PTPRM: variants seen among roughly 807,000 people sequenced by gnomAD.
The protein encoded by PTPRM is protein tyrosine phosphatase receptor type M, also known as receptor-type tyrosine-protein phosphatase mu.
A neutral mutation model predicts 186.7 loss-of-function variants in PTPRM; 47 were observed. That is an observed-to-expected ratio of 0.25 (90% CI 0.20 to 0.32). The LOEUF (loss-of-function observed/expected upper bound fraction) is 0.32, where lower values mean the gene tolerates loss of function less well. PTPRM is among the 10% of genes least tolerant of loss of function. The probability of loss-of-function intolerance (pLI) is 1.00; values close to 1 mark genes in which losing one functional copy is unlikely to be tolerated. For missense variants in PTPRM, 1,494 were observed against 1,865.0 expected (o/e 0.80, Z 3.66); for synonymous variants, 668 against 674.9 (o/e 0.99, Z 0.16).
chr18:7,932,455 GTTTATTATAGGTAACTCCAT>G lies in PTPRM; in HGVS notation c.663+5781_663+5800del, dbSNP rs2051546691. 2.6e-5 allele frequency among the ~76,000 whole-genome samples: 4 copies of G among 152,128 alleles called. No individual in the cohort carries two copies. In the South Asian group the frequency reaches 8.3e-4, roughly 32 times the overall value. ...GTGCAGCTGTATATCCTGTTTTTAT[GTTTATTATAGGTAACTCCAT>G]TTTATTATTGAAAGTCAGTTTTATA... On this transcript the variant is annotated intron_variant, in intron 5 of 32. Transcript: ENST00000580170.
chr18:7,700,120 A>T lies in PTPRM; in HGVS notation c.74-74029A>T, dbSNP rs558992375. On this transcript the variant is annotated intron_variant, in intron 1 of 32. Transcript: ENST00000580170. The stretch of plus-strand genomic sequence containing the variant: ...TAGAATATGCAATCAGAGTCAGTTA[A>T]TGTGGAACTCCCTGTCTTGCCATGC... Among the ~76,000 whole-genome samples, 121 of 152,358 alleles carry T rather than the reference A, an allele frequency of 7.9e-4. 1 individual carries two copies. The highest frequency in any genetic ancestry group is 2.8e-3 in the African/African-American group (116 of 41,588).
intron 2 of PTPRM, among the ~76,000 whole-genome samples, chr18:7,833,491 T>C (rs2045863479): frequency 6.6e-6 from 1 of 152,202 alleles, no homozygotes; most frequent in African/African-American, 2.4e-5. Context: ...CCCAGCACTT[T>C]GTGAGGCCAA....
intron 14 of PTPRM, among the ~76,000 whole-genome samples, chr18:8,178,144 G>A (rs1283748672): frequency 1.3e-5 from 2 of 152,180 alleles, no homozygotes; most frequent in African/African-American, 4.8e-5. Flanking sequence ...GCCGATTCTA[G>A]TATGTGCCTA....
At chr18:8,262,150 C>T (rs753549283) in intron 19 of PTPRM, among the ~76,000 whole-genome samples, 8 of 152,154 alleles carry the variant, frequency 5.3e-5, no homozygotes, top group Non-Finnish European at 8.8e-5. Context: ...CCCAACTGCT[C>T]TCTCTCCTCC....
At chr18:7,853,560 C>T (rs2046963325) in intron 2 of PTPRM, among the ~76,000 whole-genome samples, 1 of 152,206 alleles carries the variant, frequency 6.6e-6, no homozygotes, top group Non-Finnish European at 1.5e-5. Flanking sequence ...TGGTATTTCA[C>T]TCATGCATCA....
At chr18:7,873,353 A>G (rs2048070404) in intron 2 of PTPRM, among the ~76,000 whole-genome samples, 1 of 152,140 alleles carries the variant, frequency 6.6e-6, no homozygotes, top group Non-Finnish European at 1.5e-5. Flanking sequence ...TGACTCTGAG[A>G]TGTGCTATGA....
At chr18:8,047,439 A>G (rs1027478355) in intron 7 of PTPRM, among the ~76,000 whole-genome samples, 2 of 152,226 alleles carry the variant, frequency 1.3e-5, no homozygotes. Context: ...ATTGTATTCA[A>G]GAAAGTAATA....
intron 20 of PTPRM, among the ~76,000 whole-genome samples, chr18:8,296,849 A>G (rs987814149): frequency 5.3e-5 from 8 of 152,174 alleles, no homozygotes; most frequent in East Asian, 1.9e-4. Context: ...TAACTCATTA[A>G]TCCTGTGGAC....
intron 7 of PTPRM, among the ~76,000 whole-genome samples, chr18:8,056,297 AT>A (rs777066253): frequency 6.6e-6 from 1 of 152,176 alleles, no homozygotes; most frequent in Non-Finnish European, 1.5e-5. Flanking sequence ...GTAAATCTCT[AT>A]TTGAAATACT....
At chr18:7,851,648 A>T (rs1448216340) in intron 2 of PTPRM, among the ~76,000 whole-genome samples, 1 of 152,102 alleles carries the variant, frequency 6.6e-6, no homozygotes, top group East Asian at 1.9e-4. Flanking sequence ...AAAACAAAAA[A>T]AAAAACTGAG....
rs543389715 is a variant in PTPRM, at chr18:8,082,887, A to G, written c.1552-2784A>G. 1.4e-4 allele frequency among the ~76,000 whole-genome samples: 22 copies of G among 151,966 alleles called. No homozygotes were observed. The East Asian group carries it at 3.1e-3, about 22-fold the overall frequency. On this transcript the variant is annotated intron_variant, in intron 9 of 32. Coordinates refer to ENST00000580170, the MANE Select transcript of PTPRM (RefSeq NM_001105244.2). ...CACCTGTGTCTGTAAATTTCTCCTCATATGTTCCATTCTTTTCGATACATG... is the reference window on the plus strand; with the variant it reads ...CACCTGTGTCTGTAAATTTCTCCTCGTATGTTCCATTCTTTTCGATACATG...
chr18:8,192,457 G>T (rs1278124791), intron 14 of PTPRM, among the ~76,000 whole-genome samples: 2 of 152,122 alleles, frequency 1.3e-5, no homozygotes, highest in East Asian at 1.9e-4. Flanking sequence ...AGACTAATGA[G>T]ATTATGTCAA....
At chr18:8,335,200 A>G (rs1472081449) in intron 22 of PTPRM, among the ~76,000 whole-genome samples, 6 of 152,182 alleles carry the variant, frequency 3.9e-5, no homozygotes, top group Non-Finnish European at 7.3e-5. Flanking sequence ...CCAAGTGGCA[A>G]CAAGTGGCTC....
At chr18:8,025,232 C>G (rs2085496497) in intron 7 of PTPRM, among the ~76,000 whole-genome samples, 1 of 152,196 alleles carries the variant, frequency 6.6e-6, no homozygotes, top group Non-Finnish European at 1.5e-5. Context: ...TCTCTGGTTT[C>G]TCTCCACTTA....
chr18:7,944,387 C>A (rs890030636), intron 5 of PTPRM, among the ~76,000 whole-genome samples: 1 of 152,196 alleles, frequency 6.6e-6, no homozygotes, highest in Non-Finnish European at 1.5e-5. Context: ...AAACAATTTA[C>A]CCAGTTTCCC....
At chr18:7,979,422 T>G (rs1056620890) in intron 7 of PTPRM, among the ~76,000 whole-genome samples, 2 of 152,220 alleles carry the variant, frequency 1.3e-5, no homozygotes, top group African/African-American at 4.8e-5. Flanking sequence ...AAACATTTTT[T>G]GAAACGCAGA....
In PTPRM at chr18:7,898,249, G is replaced by A. The variant is rs76235376; in HGVS notation, c.469-8256G>A. On this transcript the variant is annotated intron_variant, in intron 3 of 32. Transcript: ENST00000580170. ...CATTTTATTTAAATCAAAACCAGAAGGATAGACTAGGTAATGTGTGGGAGA... is the reference window on the plus strand; with the variant it reads ...CATTTTATTTAAATCAAAACCAGAAAGATAGACTAGGTAATGTGTGGGAGA... Among the ~76,000 whole-genome samples, 15 of 152,306 alleles carry A rather than the reference G, an allele frequency of 9.8e-5. No homozygotes were observed. The East Asian group carries it at 2.9e-3, about 29-fold the overall frequency.
intron 13 of PTPRM, 120 bp downstream of exon 13, chr18:8,114,947 A>G (rs1869008977): frequency 4.2e-6 from 3 of 706,848 alleles, no homozygotes; most frequent in Non-Finnish European, 7.1e-6. Flanking sequence ...TATTATATAT[A>G]CATATATATA....
intron 14 of PTPRM, among the ~76,000 whole-genome samples, chr18:8,146,498 A>AT (rs1218655975): frequency 4.0e-4 from 4 of 10,036 alleles, no homozygotes; most frequent in African/African-American, 5.3e-4. Flanking sequence ...TTTTAATGGG[A>AT]TTGTTTTTTT....
Sources: allele counts gnomAD v4.1 joint callset (sites outside exome capture counted in the v4.1 genomes callset), GRCh38; gene constraint gnomAD v4.1.1; transcripts MANE v1.5; gene names NCBI Gene and HGNC (gene_info 2026-07-23, HGNC 2026-07-21).